RANBP2: variants seen among roughly 807,000 people sequenced by gnomAD.
The protein encoded by RANBP2 is RAN binding protein 2, also known as E3 SUMO-protein ligase RanBP2.
Under a neutral mutation model 303.6 loss-of-function variants are expected in RANBP2, and 57 were observed. That is an observed-to-expected ratio of 0.19 (90% confidence interval 0.15 to 0.23). The LOEUF (loss-of-function observed/expected upper bound fraction) is 0.23. RANBP2 is among the 10% of genes least tolerant of loss of function. The probability of loss-of-function intolerance (pLI) is 1.00; values close to 1 mark genes in which losing one functional copy is unlikely to be tolerated. For missense variants in RANBP2, 3,138 were observed against 3,780.8 expected, an observed-to-expected ratio of 0.83 and a Z score of 4.46; for synonymous variants, 1,167 against 1,301.5, an observed-to-expected ratio of 0.90 and a Z score of 2.23.
At chr2:109,643,183 C>T in the RANBP2 span, among the ~76,000 whole-genome samples, 1 of 128,256 alleles carries the variant, frequency 7.8e-6, no homozygotes, top group African/African-American at 2.6e-5. Flanking sequence ...GAGCAAAACT[C>T]TTTTCAAAAG....
the RANBP2 span, among the ~76,000 whole-genome samples, chr2:109,157,717 G>A: frequency 6.6e-6 from 1 of 152,162 alleles, no homozygotes; most frequent in South Asian, 2.1e-4. Context: ...GAATTTAATA[G>A]GATCATCCTG....
At chr2:109,501,893 G>A in the RANBP2 span, 1 of 521,958 alleles carries the variant, frequency 1.9e-6, no homozygotes, top group South Asian at 2.9e-5. Context: ...TCAAGGAAAT[G>A]CCCACCCCCT....
chr2:109,282,581 A>G, the RANBP2 span, among the ~76,000 whole-genome samples: 3 of 152,206 alleles, frequency 2.0e-5, no homozygotes, highest in East Asian at 5.8e-4. Flanking sequence ...AACACTGGCC[A>G]GGAGAACGGC....
At chr2:109,423,004 C>T in the RANBP2 span, among the ~76,000 whole-genome samples, 1 of 152,192 alleles carries the variant, frequency 6.6e-6, no homozygotes, top group East Asian at 1.9e-4. Context: ...AGCAACGGAA[C>T]TCTTGGCACA....
At chr2:109,385,295 G>C in the RANBP2 span, among the ~76,000 whole-genome samples, 71,698 of 152,128 alleles carry the variant, frequency 0.47, 17,062 homozygotes, top group Middle Eastern at 0.54. Context: ...AAAGGGAGAA[G>C]TATGTGTTAG....
chr2:108,955,749 G>A, the RANBP2 span, among the ~76,000 whole-genome samples: 1 of 150,850 alleles, frequency 6.6e-6, no homozygotes, highest in Non-Finnish European at 1.5e-5. Flanking sequence ...ATTAGAGGTA[G>A]GGCGCGGTGG....
the RANBP2 span, among the ~76,000 whole-genome samples, chr2:109,385,332 TG>T: frequency 1.5e-3 from 230 of 152,344 alleles, no homozygotes; most frequent in Non-Finnish European, 2.1e-3. Flanking sequence ...AATTGTAGTT[TG>T]GGGGCCCTGC....
At chr2:109,110,016 G>A in the RANBP2 span, among the ~76,000 whole-genome samples, 2 of 152,086 alleles carry the variant, frequency 1.3e-5, no homozygotes, top group African/African-American at 2.4e-5. Context: ...AGAGCCACAC[G>A]GAACCTCTCC....
chr2:108,830,632 C>T, the RANBP2 span, among the ~76,000 whole-genome samples: 4 of 151,064 alleles, frequency 2.6e-5, no homozygotes, highest in African/African-American at 9.8e-5. Flanking sequence ...TGTGGTGAAA[C>T]TCTGTCTCTA....
At chr2:109,403,136 A>G in the RANBP2 span, among the ~76,000 whole-genome samples, 1 of 152,196 alleles carries the variant, frequency 6.6e-6, no homozygotes, top group Non-Finnish European at 1.5e-5. Flanking sequence ...TTTCTATAGA[A>G]ATGCGTCTGA....
chr2:109,574,563 T>C, the RANBP2 span: 1 of 1,457,986 alleles, frequency 6.9e-7, no homozygotes, highest in Non-Finnish European at 9.1e-7. Context: ...GGTAAGTTGA[T>C]TCCTTTCCTC....
At chr2:109,415,980 A>G in the RANBP2 span, among the ~76,000 whole-genome samples, 1 of 152,196 alleles carries the variant, frequency 6.6e-6, no homozygotes, top group Non-Finnish European at 1.5e-5. Context: ...AAGAAGCAGC[A>G]GCAGGACCTG....
At chr2:109,520,311 T>G in the RANBP2 span, among the ~76,000 whole-genome samples, 1 of 152,124 alleles carries the variant, frequency 6.6e-6, no homozygotes, top group Non-Finnish European at 1.5e-5. Context: ...TGCTTAAGAA[T>G]TATGATGTTG....
chr2:108,897,249 C>CAGTT, the RANBP2 span: 3 of 1,606,266 alleles, frequency 1.9e-6, 1 homozygote. Context: ...CCAATGGCCA[C>CAGTT]AGTTAGATGT....
At chr2:109,049,463 T>C in the RANBP2 span, among the ~76,000 whole-genome samples, 4 of 152,180 alleles carry the variant, frequency 2.6e-5, no homozygotes, top group African/African-American at 4.8e-5. Context: ...GCTTGTCCTG[T>C]TCAGAGAAAC....
chr2:109,649,050 C>T, the RANBP2 span, among the ~76,000 whole-genome samples: 305 of 152,222 alleles, frequency 2.0e-3, 3 homozygotes, highest in African/African-American at 7.2e-3. Context: ...GACCAGTTGA[C>T]GGCCTGGTGC....
the RANBP2 span, among the ~76,000 whole-genome samples, chr2:109,510,202 G>A: frequency 2.6e-3 from 395 of 152,348 alleles, 1 homozygote; most frequent in African/African-American, 9.2e-3. Flanking sequence ...GAGGGCTGAG[G>A]TGAGAATGGC....
chr2:109,334,683 C>T, the RANBP2 span, among the ~76,000 whole-genome samples: 6 of 152,160 alleles, frequency 3.9e-5, no homozygotes, highest in African/African-American at 1.4e-4. Flanking sequence ...GAAAGGAGAC[C>T]CACAGACACA....
At chr2:109,017,281 T>C in the RANBP2 span, among the ~76,000 whole-genome samples, 1 of 152,214 alleles carries the variant, frequency 6.6e-6, no homozygotes, top group African/African-American at 2.4e-5. Context: ...TGTCACAACT[T>C]TTCCAAAGCT....
Sources: allele counts gnomAD v4.1 joint callset (sites outside exome capture counted in the v4.1 genomes callset), GRCh38; gene constraint gnomAD v4.1.1; transcripts MANE v1.5; gene names NCBI Gene and HGNC (gene_info 2026-07-23, HGNC 2026-07-21).